DDX4: variants seen among roughly 807,000 people sequenced by gnomAD.
DDX4 encodes probable ATP-dependent RNA helicase DDX4.
A neutral mutation model predicts 100.0 loss-of-function variants in DDX4; 25 were observed. The observed-to-expected ratio is 0.25, with a 90% confidence interval of 0.18 to 0.35. The LOEUF is 0.35. Among genes scored for constraint, DDX4 ranks in the 10% least tolerant of loss-of-function variants. DDX4 has a pLI of 1.00. For synonymous variants in DDX4, 259 were observed against 275.7 expected, an observed-to-expected ratio of 0.94 and a Z score of 0.60; for missense variants, 635 against 882.4, an observed-to-expected ratio of 0.72 and a Z score of 3.55.
At chr5:55,752,828 C>T (rs1561482775) in intron 3 of DDX4, among the ~76,000 whole-genome samples, 1 of 147,256 alleles carries the variant, frequency 6.8e-6, no homozygotes, top group African/African-American at 2.5e-5. Context: ...TATTTCTCCA[C>T]ATCCTCTCCA....
chr5:55,804,804 G>T (rs1028273879), intron 18 of DDX4, among the ~76,000 whole-genome samples: 3 of 151,974 alleles, frequency 2.0e-5, no homozygotes, highest in African/African-American at 7.3e-5. Context: ...TTGGCGATGC[G>T]GGCTCTTTTT....
At chr5:55,766,960 T>A in intron 6 of DDX4, 1 of 1,526,126 alleles carries the variant, frequency 6.6e-7, no homozygotes, top group Non-Finnish European at 8.8e-7. Context: ...TTTAACCAAC[T>A]CTCCAGGTAG....
chr5:55,754,058 TAAG>T lies in DDX4; in HGVS notation c.128-6141_128-6139del, dbSNP rs1468470590. On this transcript the variant is annotated intron_variant, in intron 3 of 21. Coordinates refer to ENST00000505374, the MANE Select transcript of DDX4 (RefSeq NM_024415.3). ...ACTTTGCTGAAGTTGCTTATCAGCT[TAAG>T]GAGATTTTGGGCTGAGACGATGGGG... Among the ~76,000 whole-genome samples, 575 of 142,124 alleles carry T rather than the reference TAAG, an allele frequency of 4.0e-3. 2 individuals are homozygous for T. Among genetic ancestry groups the T allele is most frequent in the Non-Finnish European group, 5.6e-3 (366 of 64,818 alleles). 93.2% of individuals were successfully genotyped at this position (142,124 alleles called of 152,430 possible).
intron 4 of DDX4, among the ~76,000 whole-genome samples, chr5:55,762,462 G>A (rs1305832646): frequency 6.6e-6 from 1 of 152,118 alleles, no homozygotes; most frequent in Non-Finnish European, 1.5e-5. Flanking sequence ...CACATAATTG[G>A]TTTTTTGAAG....
intron 7 of DDX4, among the ~76,000 whole-genome samples, chr5:55,773,655 C>T (rs1294332049): frequency 6.6e-6 from 1 of 151,968 alleles, no homozygotes; most frequent in Non-Finnish European, 1.5e-5. Context: ...GAGACAGGGT[C>T]TTACTCTCAC....
intron 15 of DDX4, among the ~76,000 whole-genome samples, chr5:55,788,641 TAAG>T (rs1223862281): frequency 6.6e-6 from 1 of 152,200 alleles, no homozygotes; most frequent in Non-Finnish European, 1.5e-5. Flanking sequence ...TATTTCATAA[TAAG>T]AACTGATTTT....
At chr5:55,755,153 G>A (rs1322209992) in intron 3 of DDX4, among the ~76,000 whole-genome samples, 1 of 151,964 alleles carries the variant, frequency 6.6e-6, no homozygotes, top group Non-Finnish European at 1.5e-5. Context: ...TTTCTTAAAC[G>A]ATTTTGTTCT....
At chr5:55,785,521 T>A in intron 12 of DDX4, 27 bp downstream of exon 12, 1 of 1,520,088 alleles carries the variant, frequency 6.6e-7, no homozygotes, top group Non-Finnish European at 9.0e-7. Context: ...GTGACTCACA[T>A]AGAAGTATGT....
intron 10 of DDX4, 70 bp from the exon 11 acceptor site, chr5:55,785,227 A>G: frequency 9.5e-7 from 1 of 1,049,624 alleles, no homozygotes; most frequent in Non-Finnish European, 1.4e-6. Context: ...CTTTGAAGAC[A>G]AGCAACGAAA....
At chr5:55,795,867 G>A (rs1422237248) in intron 17 of DDX4, among the ~76,000 whole-genome samples, 1 of 152,144 alleles carries the variant, frequency 6.6e-6, no homozygotes, top group South Asian at 2.1e-4. Flanking sequence ...GGGAAAATTG[G>A]CTCACACAAT....
At chr5:55,774,423 A>G (rs909528980) in intron 7 of DDX4, among the ~76,000 whole-genome samples, 1 of 152,146 alleles carries the variant, frequency 6.6e-6, no homozygotes, top group Non-Finnish European at 1.5e-5. Context: ...AAGTGCTCGG[A>G]TTACAGGTGT....
At chr5:55,761,965 G>A (rs1393153604) in intron 4 of DDX4, among the ~76,000 whole-genome samples, 2 of 152,098 alleles carry the variant, frequency 1.3e-5, no homozygotes, top group Admixed American at 1.3e-4. Flanking sequence ...CTAATAATGT[G>A]GTTTTTGAAG....
At chr5:55,772,270 C>T (rs887958993) in intron 7 of DDX4, among the ~76,000 whole-genome samples, 2 of 152,146 alleles carry the variant, frequency 1.3e-5, no homozygotes, top group Admixed American at 6.6e-5. Context: ...ATGTGGGAAT[C>T]AATATACATT....
intron 3 of DDX4, among the ~76,000 whole-genome samples, chr5:55,759,625 G>A (rs1255563130): frequency 1.3e-5 from 2 of 152,088 alleles, no homozygotes; most frequent in Admixed American, 1.3e-4. Flanking sequence ...ACTATTGTAT[G>A]GATGACCATA....
chr5:55,785,826 T>C lies in DDX4; in HGVS notation c.819T>C (p.Thr273=). The change falls in exon 13 of 22, where the codon ACT becomes ACC. Residue 273 remains threonine (T), a synonymous_variant. Transcript: ENST00000505374. ...GCATAAACTTCGACAAATACGACACTATTCTTGTGGAAGTGTCTGGACATG... is the reference window on the plus strand; with the variant it reads ...GCATAAACTTCGACAAATACGACACCATTCTTGTGGAAGTGTCTGGACATG... ...QTGINFDKYD[T]ILVEVSGHDA... 1 of 1,610,170 alleles carries C rather than the reference T, an allele frequency of 6.2e-7. No individual in the cohort carries two copies. Among genetic ancestry groups the C allele is most frequent in the Non-Finnish European group, 8.5e-7 (1 of 1,176,400 alleles).
chr5:55,780,935 G>C (rs1741875377), intron 8 of DDX4, 131 bp from the exon 9 acceptor site: 1 of 651,322 alleles, frequency 1.5e-6, no homozygotes, highest in Middle Eastern at 3.7e-4. Context: ...TAGTTTAATA[G>C]GACAGTATTT....
Position 55,741,696 on chromosome 5 carries a change from G to A in DDX4, c.69+2664G>A, listed in dbSNP as rs373269982. On this transcript the variant is annotated intron_variant, in intron 2 of 21. Coordinates refer to ENST00000505374, the MANE Select transcript of DDX4 (RefSeq NM_024415.3). ...CTCAGCTACTTGGGAGGCTGAGGCA[G>A]GAGAATCTCTTGAAATTGGGAGGTG... is the stretch of plus-strand genomic sequence containing the variant. Among the ~76,000 whole-genome samples, 21 of 152,222 alleles carry A rather than the reference G, an allele frequency of 1.4e-4. No homozygotes were observed. The East Asian group carries it at 1.7e-3, about 13-fold the overall frequency.
At chr5:55,751,625 T>C (rs1420874620) in intron 3 of DDX4, among the ~76,000 whole-genome samples, 1 of 152,230 alleles carries the variant, frequency 6.6e-6, no homozygotes, top group Non-Finnish European at 1.5e-5. Flanking sequence ...CCTGTTTGTA[T>C]TTTTAGTCTA....
chr5:55,794,928 C>T (rs1742827302), intron 17 of DDX4, among the ~76,000 whole-genome samples: 1 of 151,962 alleles, frequency 6.6e-6, no homozygotes, highest in South Asian at 2.1e-4. Flanking sequence ...CAAATTTCTT[C>T]CCTGTATTCC....
Sources: allele counts gnomAD v4.1 joint callset (sites outside exome capture counted in the v4.1 genomes callset), GRCh38; gene constraint gnomAD v4.1.1; transcripts MANE v1.5; gene names NCBI Gene and HGNC (gene_info 2026-07-23, HGNC 2026-07-21).